Variants in ACAN observed in about 807,000 individuals in gnomAD.
ACAN encodes the protein aggrecan, also known as aggrecan core protein.
Under a neutral mutation model 169.1 loss-of-function variants are expected in ACAN, and 47 were observed. The observed-to-expected ratio is 0.28, with a 90% confidence interval of 0.22 to 0.35. The LOEUF is 0.35. Ranked by LOEUF, ACAN falls within the 10% of genes least tolerant of loss-of-function variation. The probability of loss-of-function intolerance (pLI) is 1.00; values close to 1 mark genes in which losing one functional copy is unlikely to be tolerated. For synonymous variants in ACAN, 1,115 were observed against 1,112.2 expected (o/e 1.00, Z -0.05); for missense variants, 2,716 against 2,759.9 (o/e 0.98, Z 0.36).
At chr15:88,841,992 TCC>T in intron 5 of ACAN, 125 bp downstream of exon 5, 1 of 1,309,048 alleles carries the variant, frequency 7.6e-7, no homozygotes, top group South Asian at 1.3e-5. Context: ...CACTCTGTCC[TCC>T]TCTGCCATGA....
chr15:88,811,498 T>C (rs1160113505), intron 1 of ACAN, among the ~76,000 whole-genome samples: 4 of 152,180 alleles, frequency 2.6e-5, no homozygotes, highest in African/African-American at 9.7e-5. Flanking sequence ...ATCTGTAACC[T>C]TCCCTCTAAA....
rs1361397144 is a variant in ACAN, at chr15:88,857,481, G to A, written c.4896G>A (p.Glu1632=). Residue 1632 remains glutamate, a synonymous_variant, in exon 12 of 19, where the codon GAG becomes GAA. Transcript: ENST00000560601. The part of the protein sequence containing the change: ...TSGLPSGFSG[E]YSGVDLGSGP... ...GTCTTCCCTCTGGATTTAGTGGTGAGTATTCTGGGGTGGACCTTGGAAGTG... is the reference window on the plus strand; with the variant it reads ...GTCTTCCCTCTGGATTTAGTGGTGAATATTCTGGGGTGGACCTTGGAAGTG... 2 of 1,613,820 alleles carry A rather than the reference G, an allele frequency of 1.2e-6. No homozygotes were observed. Among genetic ancestry groups the A allele is most frequent in the Non-Finnish European group, 1.7e-6 (2 of 1,179,904 alleles).
chr15:88,853,765 CATACAT>C, intron 11 of ACAN, among the ~76,000 whole-genome samples: 1 of 147,320 alleles, frequency 6.8e-6, no homozygotes, highest in African/African-American at 2.7e-5. Context: ...TACATACATA[CATACAT>C]ACATACATAC....
chr15:88,860,972 C>G (rs1399448923), intron 13 of ACAN, among the ~76,000 whole-genome samples: 3 of 152,108 alleles, frequency 2.0e-5, no homozygotes, highest in African/African-American at 7.2e-5. Context: ...CAGCTGTAAC[C>G]CAGCAGCACG....
In ACAN at chr15:88,842,095, T is replaced by C. The variant is rs187940987; in HGVS notation, c.757+228T>C. Among the ~76,000 whole-genome samples, 88 of 152,316 alleles carry C rather than the reference T, an allele frequency of 5.8e-4. No individual in the cohort carries two copies. In the East Asian group the frequency reaches 0.014, roughly 24 times the overall value. ...GCCCCAACATCTGCAAAATGTCTGA[T>C]GTCGCCACTGGACCCAAGAGCACAT... On this transcript the variant is annotated intron_variant, in intron 5 of 18. Transcript: ENST00000560601.
chr15:88,836,124 T>C (rs1406246409), intron 1 of ACAN, 76 bp from the exon 2 acceptor site: 2 of 1,031,824 alleles, frequency 1.9e-6, no homozygotes, highest in African/African-American at 3.1e-5. Flanking sequence ...TCACTTTGCA[T>C]CATATGTCAC....
rs1410879320 is a variant in ACAN at position 88,858,142 on chromosome 15, G to C, written c.5557G>C (p.Val1853Leu). 1 of 1,613,922 alleles carries C rather than the reference G, an allele frequency of 6.2e-7. No individual in the cohort carries two copies. The highest frequency in any genetic ancestry group is 8.5e-7 in the Non-Finnish European group (1 of 1,179,896). ...TAAAGAAGAAGAAGGCTTAGGGTCT[G>C]TGGAACTCAGTGGCCTCCCTTCCGG... is the stretch of plus-strand genomic sequence containing the variant. Reference protein sequence around the residue: ...TFKEEEGLGSVELSGLPSGEA... With the variant: ...TFKEEEGLGSLELSGLPSGEA... Residue 1853 changes from valine (V) to leucine (L), a missense_variant, in exon 12 of 19, where the codon GTG becomes CTG. By Grantham distance (32) the Val-to-Leu change is conservative (BLOSUM62 1). Coordinates refer to ENST00000560601, the MANE Select transcript of ACAN (RefSeq NM_001369268.1). The surrounding 1 kb of genome is among the most constrained non-coding windows in gnomAD (Gnocchi z 4.0).
At chr15:88,805,114 G>C (rs1450220195) in intron 1 of ACAN, among the ~76,000 whole-genome samples, 2 of 152,200 alleles carry the variant, frequency 1.3e-5, no homozygotes, top group Non-Finnish European at 2.9e-5. Context: ...CCTGATTTAA[G>C]AGTCCAGAAT....
intron 1 of ACAN, among the ~76,000 whole-genome samples, chr15:88,805,518 G>T (rs1039206446): frequency 6.6e-6 from 1 of 152,180 alleles, no homozygotes; most frequent in Non-Finnish European, 1.5e-5. Context: ...ATATTCTTAC[G>T]TGTAGTTTCT....
intron 12 of ACAN, among the ~76,000 whole-genome samples, chr15:88,859,980 G>A (rs927265390): frequency 4.6e-5 from 7 of 151,494 alleles, no homozygotes; most frequent in African/African-American, 1.7e-4. Flanking sequence ...CCCCATCCGT[G>A]TACAAAGGGG....
At position 88,807,120 on chromosome 15, in the gene ACAN, G is replaced by C. The variant is rs907413870; in HGVS notation, c.-8+3311G>C. The stretch of plus-strand genomic sequence containing the variant: ...TGTGGCCCTAGGTGGCAGGTGCTGG[G>C]GCATCCTTGCTGCCACTGCACCAAG... On this transcript the variant is annotated intron_variant, in intron 1 of 18. Coordinates refer to ENST00000560601, the MANE Select transcript of ACAN (RefSeq NM_001369268.1). The surrounding 1 kb of genome is among the most constrained non-coding windows in gnomAD (Gnocchi z 4.0). 1.3e-5 allele frequency among the ~76,000 whole-genome samples: 2 copies of C among 152,050 alleles called. No individual in the cohort carries two copies. The highest frequency in any genetic ancestry group is 4.8e-5 in the African/African-American group (2 of 41,388).
At position 88,814,650 on chromosome 15, in the gene ACAN, C is replaced by A. The variant is rs565807684; in HGVS notation, c.-8+10841C>A. ...TTGTGGTCCATGGGAATAGCGACTC[C>A]TCGAGTTGTGCCAGTGTGCAGCCTT... On this transcript the variant is annotated intron_variant, in intron 1 of 18. Transcript: ENST00000560601. This position sits in a 1 kb window ranked among gnomAD's most constrained non-coding sequence, Gnocchi z 4.0. Among the ~76,000 whole-genome samples the A allele has an allele frequency of 6.6e-6, 1 of 152,324 alleles. No individual in the cohort carries two copies. Among genetic ancestry groups the A allele is most frequent in the South Asian group, 2.1e-4 (1 of 4,828 alleles).
Position 88,857,832 on chromosome 15 carries a change from A to C in ACAN, c.5247A>C (p.Thr1749=). ...GGTTTCCTGACACTAGTGGGGAAACATCTGGAGTGACTGAGCTTAGCGGGC... is the reference window on the plus strand; with the variant it reads ...GGTTTCCTGACACTAGTGGGGAAACCTCTGGAGTGACTGAGCTTAGCGGGC... ...PSGFPDTSGE[T]SGVTELSGLS... is the part of the protein sequence containing the mutation. Residue 1749 remains threonine, a synonymous_variant, in exon 12 of 19, where the codon ACA becomes ACC. Transcript: ENST00000560601. 1 of 1,613,940 alleles carries C rather than the reference A, an allele frequency of 6.2e-7. No individual in the cohort carries two copies. The highest frequency in any genetic ancestry group is 1.1e-5 in the South Asian group (1 of 91,078).
In ACAN at chr15:88,838,751, C is replaced by A; in HGVS notation, c.159C>A (p.Phe53Leu). ...LGTSLTIPCYFIDPMHPVTTA... is the reference protein window; with the variant it reads ...LGTSLTIPCYLIDPMHPVTTA... Reference sequence around the variant, plus strand: ...CCTCCCTCACCATCCCCTGCTATTTCATCGACCCCATGCACCCTGTGACCA... The same window carrying A: ...CCTCCCTCACCATCCCCTGCTATTTAATCGACCCCATGCACCCTGTGACCA... Residue 53 changes from phenylalanine to leucine, a missense_variant, in exon 3 of 19, where the codon TTC (phenylalanine) becomes TTA (leucine). Phe to Leu is a conservative substitution (Grantham distance 22, BLOSUM62 0). Around this residue, in one of 3 missense-constraint regions of ACAN, gnomAD observed 1,283 missense variants for 1,281.5 expected, o/e 1.00. Transcript: ENST00000560601. The surrounding 1 kb of genome is among the most constrained non-coding windows in gnomAD (Gnocchi z 5.1). The A allele has an allele frequency of 6.2e-7, 1 of 1,613,508 alleles. No homozygotes were observed. The highest frequency in any genetic ancestry group is 8.5e-7 in the Non-Finnish European group (1 of 1,179,442).
At position 88,873,949 on chromosome 15, in the gene ACAN, G is replaced by C. The variant is rs762367567; in HGVS notation, c.7555G>C (p.Val2519Leu). 48 of 1,613,418 alleles carry C rather than the reference G, an allele frequency of 3.0e-5. No homozygotes were observed. The highest frequency in any genetic ancestry group is 3.8e-5 in the Non-Finnish European group (45 of 1,179,886). ...GCGGTACCAGTGCACAGAGGGGTTT[G>C]TCCAGCGCCACATGCCCACCATCCG... ...LVRYQCTEGF[V>L]QRHMPTIRCQ... The change falls in exon 18 of 19, where the codon GTC (valine) becomes CTC (leucine). Residue 2519 changes from valine to leucine, a missense_variant. Val to Leu is a conservative substitution (Grantham distance 32). This residue lies in a region of ACAN where 1,389 missense variants were observed against 1,363.7 expected (regional missense o/e 1.02). Transcript: ENST00000560601. The surrounding 1 kb of genome is among the most constrained non-coding windows in gnomAD (Gnocchi z 7.5).
At chr15:88,832,648 AT>A (rs1209353019) in intron 1 of ACAN, among the ~76,000 whole-genome samples, 3 of 152,272 alleles carry the variant, frequency 2.0e-5, no homozygotes, top group South Asian at 2.1e-4. Context: ...GATGATGGTC[AT>A]TTTTTTCCCC....
chr15:88,825,254 C>G (rs1469284237), intron 1 of ACAN, among the ~76,000 whole-genome samples: 1 of 152,136 alleles, frequency 6.6e-6, no homozygotes, highest in Non-Finnish European at 1.5e-5. Flanking sequence ...CTCCCTTTTG[C>G]TCCCACCCCC....
rs1312342714 is a variant in ACAN, at chr15:88,875,325, T to A, written c.*844T>A. On this transcript the variant is annotated 3_prime_UTR_variant, in exon 19 of 19. Coordinates refer to ENST00000560601, the MANE Select transcript of ACAN (RefSeq NM_001369268.1). The surrounding 1 kb of genome is among the most constrained non-coding windows in gnomAD (Gnocchi z 4.8). The stretch of plus-strand genomic sequence containing the variant: ...TTTTGAAAACTGAAGATTATAATAT[T>A]ATAATAATAATAAAGACATTGGAAG... The A allele has an allele frequency of 6.6e-6, 1 of 152,142 alleles. No individual in the cohort carries two copies. Among genetic ancestry groups the A allele is most frequent in the Non-Finnish European group, 1.5e-5 (1 of 67,984 alleles). 9.4% of individuals were successfully genotyped at this position (152,142 alleles called of 1,614,324 possible). A position where few individuals can be genotyped will look rare whatever the true frequency, so the allele number is the denominator to read the frequency against.
chr15:88,817,292 C>A (rs1895965057), intron 1 of ACAN, among the ~76,000 whole-genome samples: 1 of 152,040 alleles, frequency 6.6e-6, no homozygotes, highest in Non-Finnish European at 1.5e-5. Flanking sequence ...CAGGTGTGTG[C>A]CACCACGCCC....
Sources: allele counts gnomAD v4.1 joint callset (sites outside exome capture counted in the v4.1 genomes callset), GRCh38; gene constraint gnomAD v4.1.1; regional missense constraint gnomAD v4.1.1; non-coding constraint Gnocchi (gnomAD v3.1); transcripts MANE v1.5; gene names NCBI Gene and HGNC (gene_info 2026-07-23, HGNC 2026-07-21).